AGK: variants seen among roughly 807,000 people sequenced by gnomAD.
AGK encodes acylglycerol kinase, also known as acylglycerol kinase, mitochondrial.
AGK carries 52 observed loss-of-function variants against 66.4 expected under a neutral mutation model. The observed-to-expected ratio is 0.78, with a 90% CI of 0.63 to 0.99. AGK has a LOEUF of 0.99. Among genes scored for constraint, AGK ranks in the 50% least tolerant of loss-of-function variants. AGK has a pLI of 0.00. For synonymous variants in AGK, 182 were observed against 181.1 expected, an observed-to-expected ratio of 1.00 and a Z score of -0.04; for missense variants, 451 against 506.6, an observed-to-expected ratio of 0.89 and a Z score of 1.05.
chr7:141,577,118 C>T (rs1308320714), intron 2 of AGK, among the ~76,000 whole-genome samples: 1 of 152,132 alleles, frequency 6.6e-6, no homozygotes, highest in African/African-American at 2.4e-5. Context: ...CCTCCTCAGC[C>T]AGGGCACTCT....
chr7:141,634,149 C>G (rs1245540325), intron 10 of AGK, among the ~76,000 whole-genome samples, 169 bp downstream of exon 10: 1 of 152,130 alleles, frequency 6.6e-6, no homozygotes, highest in East Asian at 1.9e-4. Context: ...GGTTTATGTC[C>G]TATATGCAGA....
chr7:141,593,255 C>T (rs2116921765), intron 3 of AGK, 70 bp downstream of exon 3: 3 of 1,385,850 alleles, frequency 2.2e-6, no homozygotes, highest in Non-Finnish European at 3.1e-6. Context: ...TAAGCTCTTT[C>T]AGGGGACTTG....
chr7:141,577,851 C>T (rs1360209023), intron 2 of AGK, among the ~76,000 whole-genome samples: 1 of 149,718 alleles, frequency 6.7e-6, no homozygotes, highest in African/African-American at 2.5e-5. Flanking sequence ...CAGAGCCTCA[C>T]TCTGTCACCC....
At position 141,555,400 on chromosome 7, in the gene AGK, T is replaced by C. The variant is rs113427193; in HGVS notation, c.-14-53T>C. The C allele has an allele frequency of 8.0e-4, 1,016 of 1,275,168 alleles. 1 individual carries two copies. The highest frequency in any genetic ancestry group is 1.1e-3 in the Non-Finnish European group (972 of 893,240). The allele number at this position is 1,275,168 out of a possible 1,614,324, so 79.0% of individuals were successfully genotyped here. A position where few individuals can be genotyped will look rare whatever the true frequency, so the allele number is the denominator to read the frequency against. On this transcript the variant is annotated intron_variant, in intron 1 of 15. Transcript: ENST00000649286. The surrounding 1 kb of genome is among the most constrained non-coding windows in gnomAD (Gnocchi z 4.2). The stretch of plus-strand genomic sequence containing the variant: ...AAGACAGAGTAATAGGGACATTACA[T>C]GAAGACCATGGATAAATTATATTTT...
intron 1 of AGK, among the ~76,000 whole-genome samples, chr7:141,552,616 G>A (rs1384138282): frequency 3.3e-5 from 5 of 152,178 alleles, no homozygotes; most frequent in Non-Finnish European, 7.3e-5. Context: ...TGAGATTCAG[G>A]ACACACTGCC....
intron 2 of AGK, among the ~76,000 whole-genome samples, chr7:141,588,585 C>A (rs906086012): frequency 6.6e-6 from 1 of 151,368 alleles, no homozygotes; most frequent in Non-Finnish European, 1.5e-5. Flanking sequence ...CACTGCACTC[C>A]AGCCTGGGGG....
At chr7:141,618,280 G>GT (rs756956856) in intron 8 of AGK, among the ~76,000 whole-genome samples, 1 of 152,148 alleles carries the variant, frequency 6.6e-6, no homozygotes, top group Non-Finnish European at 1.5e-5. Context: ...AGCCTTACAG[G>GT]TTAAGTTAGC....
At chr7:141,612,229 A>G (rs36109835) in intron 6 of AGK, among the ~76,000 whole-genome samples, 5,269 of 152,310 alleles carry the variant, frequency 0.035, 143 homozygotes, top group South Asian at 0.14. Context: ...GTCTGAAAAG[A>G]CTACATACTG....
chr7:141,609,898 CTT>C (rs2116951033), intron 5 of AGK, among the ~76,000 whole-genome samples: 1 of 151,902 alleles, frequency 6.6e-6, no homozygotes, highest in East Asian at 1.9e-4. Context: ...TTTAGGAACT[CTT>C]TGCCAGGAAC....
At position 141,653,237 on chromosome 7, in the gene AGK, A is replaced by C. The variant is rs1797607909; in HGVS notation, c.*313A>C. ...CTTCCAAAGTGCAACCACAGTGGAG[A>C]GCCCACGGTGGGCTTAGCCTGCCTA... On this transcript the variant is annotated 3_prime_UTR_variant, in exon 16 of 16. Transcript: ENST00000649286. The C allele has an allele frequency of 3.5e-6, 1 of 282,394 alleles. No individual in the cohort carries two copies. Among genetic ancestry groups the C allele is most frequent in the Admixed American group, 4.3e-5 (1 of 23,446 alleles). The allele number at this position is 282,394 out of a possible 1,614,324, so 17.5% of individuals were successfully genotyped here.
At position 141,633,935 on chromosome 7, in the gene AGK, G is replaced by A; in HGVS notation, c.623G>A (p.Gly208Asp). ...EKEQPVFAMT[G>D]LRWGSFRDAG... Reference sequence around the variant, plus strand: ...GAACAGCCTGTATTTGCAATGACCGGCCTTCGATGGGGATCTTTCAGAGAT... The same window carrying A: ...GAACAGCCTGTATTTGCAATGACCGACCTTCGATGGGGATCTTTCAGAGAT... The change falls in exon 10 of 16, where the codon GGC (glycine) becomes GAC (aspartate). Residue 208 changes from glycine to aspartate, a missense_variant. Transcript: ENST00000649286. The A allele has an allele frequency of 2.5e-6, 4 of 1,614,010 alleles. No individual in the cohort carries two copies. Among genetic ancestry groups the A allele is most frequent in the Non-Finnish European group, 3.4e-6 (4 of 1,179,902 alleles).
intron 2 of AGK, among the ~76,000 whole-genome samples, chr7:141,580,763 A>C (rs977507295): frequency 6.6e-6 from 1 of 152,030 alleles, no homozygotes; most frequent in Non-Finnish European, 1.5e-5. Flanking sequence ...TAAAAAGGCC[A>C]CAGGGCGTGA....
intron 10 of AGK, among the ~76,000 whole-genome samples, chr7:141,636,562 A>G (rs370314735): frequency 4.6e-5 from 7 of 152,328 alleles, no homozygotes; most frequent in South Asian, 4.1e-4. Context: ...GAGAATGTAC[A>G]TAGGTTACGT....
intron 13 of AGK, among the ~76,000 whole-genome samples, chr7:141,647,783 G>T (rs1330195727): frequency 6.6e-6 from 1 of 152,102 alleles, no homozygotes; most frequent in Non-Finnish European, 1.5e-5. Flanking sequence ...CGATTCTCCC[G>T]CCTCAGCCTC....
Position 141,580,405 on chromosome 7 carries a change from G to A in AGK, c.102-12741G>A, listed in dbSNP as rs527609600. ...ATCAGGGTGAGGAACAGGAAAGAAG[G>A]AAATATGGGGAAATTGGGTGAATGT... On this transcript the variant is annotated intron_variant, in intron 2 of 15. Coordinates refer to ENST00000649286, the MANE Select transcript of AGK (RefSeq NM_018238.4). 2.6e-5 allele frequency among the ~76,000 whole-genome samples: 4 copies of A among 152,060 alleles called. No individual in the cohort carries two copies. The East Asian group carries it at 5.8e-4, about 22-fold the overall frequency.
intron 2 of AGK, among the ~76,000 whole-genome samples, chr7:141,566,232 A>G (rs1795465505): frequency 1.3e-5 from 2 of 152,180 alleles, no homozygotes; most frequent in Admixed American, 6.5e-5. Context: ...CATTTTCTCC[A>G]TAGTACTATG....
intron 2 of AGK, among the ~76,000 whole-genome samples, chr7:141,589,167 ACT>A (rs1188947888): frequency 6.6e-6 from 1 of 151,754 alleles, no homozygotes; most frequent in African/African-American, 2.4e-5. Flanking sequence ...CCACTTAGTA[ACT>A]CTGTGTTTTT....
At chr7:141,604,703 C>T (rs187028498) in intron 5 of AGK, among the ~76,000 whole-genome samples, 31 of 150,940 alleles carry the variant, frequency 2.1e-4, no homozygotes, top group Admixed American at 1.9e-3. Context: ...CCTGCCTCAG[C>T]CTCCTGAGTA....
intron 5 of AGK, among the ~76,000 whole-genome samples, chr7:141,604,372 GTGTATATATATA>G (rs963230389): frequency 3.4e-5 from 2 of 58,404 alleles, no homozygotes; most frequent in African/African-American, 1.4e-4. Context: ...GTGTGTGTGT[GTGTATATATATA>G]TATATATATA....
Sources: gnomAD v4.1 joint callset for allele counts (sites outside exome capture counted in the v4.1 genomes callset) on GRCh38, gnomAD v4.1.1 for gene constraint, Gnocchi (gnomAD v3.1) non-coding constraint, MANE v1.5 for transcripts, NCBI Gene and HGNC (gene_info 2026-07-23, HGNC 2026-07-21) for gene names.